The following EBAG9 variants were observed in gnomAD, a reference collection of about 807,000 sequenced individuals.
EBAG9 encodes the protein estrogen receptor binding site associated antigen 9, also known as receptor-binding cancer antigen expressed on SiSo cells.
In EBAG9, 16 loss-of-function variants were observed where a neutral mutation model predicts 30.9. That is an observed-to-expected ratio of 0.52 (90% confidence interval 0.35 to 0.79). The LOEUF (loss-of-function observed/expected upper bound fraction) is 0.79, where lower values mean the gene tolerates loss of function less well. Among genes scored for constraint, EBAG9 ranks in the 30% least tolerant of loss-of-function variants. EBAG9 has a pLI of 0.01. For missense variants in EBAG9, 197 were observed against 242.1 expected (o/e 0.81, Z 1.24); for synonymous variants, 93 against 82.8 (o/e 1.12, Z -0.67).
At chr8:109,561,703 C>T (rs996835747) in intron 6 of EBAG9, among the ~76,000 whole-genome samples, 1 of 151,810 alleles carries the variant, frequency 6.6e-6, no homozygotes, top group Non-Finnish European at 1.5e-5. Flanking sequence ...ATTGTTTTTA[C>T]CATAGGAATA....
intron 1 of EBAG9, among the ~76,000 whole-genome samples, chr8:109,549,118 T>C (rs1821444463): frequency 6.6e-6 from 1 of 151,768 alleles, no homozygotes; most frequent in Admixed American, 6.6e-5. Context: ...GGAATGGATG[T>C]TGAGTTTTGT....
intron 4 of EBAG9, among the ~76,000 whole-genome samples, chr8:109,555,324 T>A (rs776425017): frequency 1.3e-5 from 2 of 152,224 alleles, no homozygotes; most frequent in Non-Finnish European, 2.9e-5. Flanking sequence ...CATCCTTTTT[T>A]ATGGCTGCAT....
intron 6 of EBAG9, chr8:109,563,354 A>G (rs1186168178): frequency 2.5e-6 from 4 of 1,587,806 alleles, no homozygotes; most frequent in East Asian, 2.2e-5. Flanking sequence ...TCCTTCCTCA[A>G]CGTTGCATAC....
intron 1 of EBAG9, among the ~76,000 whole-genome samples, chr8:109,546,757 A>G (rs1016328793): frequency 6.6e-6 from 1 of 152,236 alleles, no homozygotes; most frequent in Admixed American, 6.5e-5. Flanking sequence ...TAGAGCTTAA[A>G]AAATACTATA....
chr8:109,549,862 A>G (rs1434764868), intron 1 of EBAG9, among the ~76,000 whole-genome samples: 1 of 152,024 alleles, frequency 6.6e-6, no homozygotes, highest in Non-Finnish European at 1.5e-5. Context: ...TCTAACATTG[A>G]AATAGTCACT....
chr8:109,563,615 T>C (rs1821752394), intron 6 of EBAG9: 1 of 1,376,706 alleles, frequency 7.3e-7, no homozygotes, highest in African/African-American at 1.5e-5. Flanking sequence ...CAGGGGGACA[T>C]GTGCAGGATG....
Position 109,564,950 on chromosome 8 carries a change from A to T in EBAG9, c.*391A>T, listed in dbSNP as rs1283331189. 6.5e-6 allele frequency: 1 copy of T among 152,938 alleles called. No homozygotes were observed. The highest frequency in any genetic ancestry group is 1.9e-4 in the East Asian group (1 of 5,266). The allele number at this position is 152,938 out of a possible 1,614,324, so 9.5% of individuals were successfully genotyped here. A position where few individuals can be genotyped will look rare whatever the true frequency, so the allele number is the denominator to read the frequency against. ...CTTCAATGTGCATAATGATAAAATAAATAATTTTAATATTCTTTTGTTTCC... is the reference window on the plus strand; with the variant it reads ...CTTCAATGTGCATAATGATAAAATATATAATTTTAATATTCTTTTGTTTCC... On this transcript the variant is annotated 3_prime_UTR_variant, in exon 7 of 7. Transcript: ENST00000337573.
chr8:109,550,161 T>C (rs1025489037), intron 1 of EBAG9: 1 of 152,186 alleles, frequency 6.6e-6, no homozygotes, highest in African/African-American at 2.4e-5. Context: ...GCCTTTTCAA[T>C]TGAGTAGTTT....
In EBAG9 at chr8:109,560,947, A is replaced by G. The variant is rs1325787667; in HGVS notation, c.521+18A>G. The stretch of plus-strand genomic sequence containing the variant: ...GTTCTGAGGTATTTGAGTGGCATTT[A>G]TATTGCAACCTGAGTAGAAGAACTA... On this transcript the variant is annotated intron_variant, in intron 6 of 6. Transcript: ENST00000337573. 4 of 1,601,066 alleles carry G rather than the reference A, an allele frequency of 2.5e-6. No individual in the cohort carries two copies. Among genetic ancestry groups the G allele is most frequent in the Non-Finnish European group, 2.6e-6 (3 of 1,169,516 alleles).
rs994256722 is a variant in EBAG9, at chr8:109,556,916, T to G, written c.322-19T>G. On this transcript the variant is annotated intron_variant, in intron 4 of 6. Coordinates refer to ENST00000337573, the MANE Select transcript of EBAG9 (RefSeq NM_004215.5). ...ATTTGTAAAAGATCCCTATAATTCT[T>G]TTTCAATTAATCTTTCAGATTGTTA... 7 of 1,456,314 alleles carry G rather than the reference T, an allele frequency of 4.8e-6. No individual in the cohort carries two copies. Among genetic ancestry groups the G allele is most frequent in the Non-Finnish European group, 6.6e-6 (7 of 1,063,754 alleles). The allele number at this position is 1,456,314 out of a possible 1,614,324, so 90.2% of individuals were successfully genotyped here.
intron 1 of EBAG9, among the ~76,000 whole-genome samples, chr8:109,544,416 A>G (rs1821343000): frequency 6.6e-6 from 1 of 152,198 alleles, no homozygotes; most frequent in Admixed American, 6.5e-5. Flanking sequence ...GGTGTTACTA[A>G]TGGATTGAGA....
chr8:109,543,431 G>C (rs1240198107), intron 1 of EBAG9, among the ~76,000 whole-genome samples: 1 of 152,026 alleles, frequency 6.6e-6, no homozygotes, highest in Non-Finnish European at 1.5e-5. Flanking sequence ...ATCAAGATCA[G>C]ATACTATGAG....
At chr8:109,557,598 G>C in intron 5 of EBAG9, 1 of 446,076 alleles carries the variant, frequency 2.2e-6, no homozygotes, top group South Asian at 1.6e-5. Flanking sequence ...TATATTATCT[G>C]TTGTTGTGTA....
At chr8:109,551,166 A>T (rs1436548187) in intron 2 of EBAG9, among the ~76,000 whole-genome samples, 1 of 152,136 alleles carries the variant, frequency 6.6e-6, no homozygotes, top group African/African-American at 2.4e-5. Flanking sequence ...TTAGGAATAG[A>T]CAGACCAACT....
chr8:109,540,040 C>G (rs552219923), upstream of EBAG9: 2 of 153,048 alleles, frequency 1.3e-5, no homozygotes, highest in East Asian at 3.8e-4. Context: ...CGCCTAGCCG[C>G]GCACTTCCCG....
rs1302117251 is a variant in EBAG9, at chr8:109,561,907, T to TTTTTTG, written c.521+980_521+981insTTTGTT. ...ATCAAGCCCTTTTTTTTTTTTTTTT[T>TTTTTTG]TTGCAGGTTAGGGGACGTCACATTT... On this transcript the variant is annotated intron_variant, in intron 6 of 6. Transcript: ENST00000337573. Among the ~76,000 whole-genome samples, 3 of 151,308 alleles carry TTTTTTG rather than the reference T, an allele frequency of 2.0e-5. No homozygotes were observed. The East Asian group carries it at 5.8e-4, about 29-fold the overall frequency.
Position 109,565,738 on chromosome 8 carries a change from G to A in EBAG9, c.*1179G>A, listed in dbSNP as rs1821813522. On this transcript the variant is annotated 3_prime_UTR_variant, in exon 7 of 7. Coordinates refer to ENST00000337573, the MANE Select transcript of EBAG9 (RefSeq NM_004215.5). Reference sequence around the variant, plus strand: ...AAGTTACTGCCTAGAATCAACATTCGGTGAGATTTTGAAATGTCATAGATA... The same window carrying A: ...AAGTTACTGCCTAGAATCAACATTCAGTGAGATTTTGAAATGTCATAGATA... 1 of 151,900 alleles carries A rather than the reference G, an allele frequency of 6.6e-6. No homozygotes were observed. Among genetic ancestry groups the A allele is most frequent in the Non-Finnish European group, 1.5e-5 (1 of 67,928 alleles). The allele number at this position is 151,900 out of a possible 1,614,324, so 9.4% of individuals were successfully genotyped here. A position where few individuals can be genotyped will look rare whatever the true frequency, so the allele number is the denominator to read the frequency against.
At chr8:109,553,365 C>T (rs1303175102) in intron 2 of EBAG9, among the ~76,000 whole-genome samples, 1 of 152,172 alleles carries the variant, frequency 6.6e-6, no homozygotes, top group African/African-American at 2.4e-5. Flanking sequence ...ATAGTACGTC[C>T]TGTTGAATGT....
chr8:109,552,871 G>A (rs1821521150), intron 2 of EBAG9, among the ~76,000 whole-genome samples: 1 of 152,144 alleles, frequency 6.6e-6, no homozygotes, highest in South Asian at 2.1e-4. Flanking sequence ...CGAGGGGGTA[G>A]GATAGCTTGA....
Sources: gnomAD v4.1 joint callset for allele counts (sites outside exome capture counted in the v4.1 genomes callset) on GRCh38, gnomAD v4.1.1 for gene constraint, MANE v1.5 for transcripts, NCBI Gene and HGNC (gene_info 2026-07-23, HGNC 2026-07-21) for gene names.